Variants in TACR3 observed in about 807,000 individuals in gnomAD.
The protein encoded by TACR3 is neuromedin-K receptor.
A neutral mutation model predicts 35.0 loss-of-function variants in TACR3; 34 were observed. The ratio of observed to expected loss-of-function variants is 0.97; its 90% CI spans 0.74 to 1.30. The LOEUF (loss-of-function observed/expected upper bound fraction) is 1.30. Among genes scored for constraint, TACR3 ranks in the 50% most tolerant of loss-of-function variants. The pLI is 0.00. For synonymous variants in TACR3, 233 were observed against 221.1 expected, an observed-to-expected ratio of 1.05 and a Z score of -0.48; for missense variants, 558 against 591.7, an observed-to-expected ratio of 0.94 and a Z score of 0.59.
chr4:103,719,541 C>T lies in TACR3; in HGVS notation c.135G>A (p.Leu45=). 1.2e-6 allele frequency: 2 copies of T among 1,607,794 alleles called. No homozygotes were observed. Among genetic ancestry groups the T allele is most frequent in the South Asian group, 1.1e-5 (1 of 90,624 alleles). The part of the protein sequence containing the change: ...GAVETGWLQL[L]DQAGNLSSSP... ...AGGAGGAGAGGTTGCCAGCTTGGTC[C>T]AGCAGTTGCAGCCACCCAGTCTCAA... The change falls in exon 1 of 5, where the codon CTG becomes CTA. Residue 45 remains leucine (L), a synonymous_variant. Coordinates refer to ENST00000304883, the MANE Select transcript of TACR3 (RefSeq NM_001059.3).
At chr4:103,690,896 G>A (rs1020434376) in intron 1 of TACR3, among the ~76,000 whole-genome samples, 1 of 152,046 alleles carries the variant, frequency 6.6e-6, no homozygotes, top group African/African-American at 2.4e-5. Context: ...ATTTTATAAT[G>A]TCAACTAAAA....
At chr4:103,593,890 A>G (rs771297616) in intron 3 of TACR3, among the ~76,000 whole-genome samples, 3 of 152,166 alleles carry the variant, frequency 2.0e-5, no homozygotes, top group Admixed American at 6.6e-5. Context: ...ACAAAAGAGC[A>G]AGGATTTTCT....
chr4:103,686,333 A>G (rs934321670), intron 1 of TACR3, among the ~76,000 whole-genome samples: 1 of 152,188 alleles, frequency 6.6e-6, no homozygotes, highest in African/African-American at 2.4e-5. Flanking sequence ...AAGTTATTTA[A>G]TCACAACCGC....
In TACR3 at chr4:103,657,961, C is replaced by CAT. The variant is rs757596635; in HGVS notation, c.737+253_737+254insAT. Among the ~76,000 whole-genome samples, 5,714 of 152,264 alleles carry CAT rather than the reference C, an allele frequency of 0.038. 139 individuals are homozygous for CAT. Among genetic ancestry groups the CAT allele is most frequent in the Non-Finnish European group, 0.055 (3,728 of 68,020 alleles). ...TGCACATTGCTTTTATCTTTTATCA[C>CAT]TTCCTTCAGGAAACTCTCCAGTGCC... On this transcript the variant is annotated intron_variant, in intron 2 of 4. Coordinates refer to ENST00000304883, the MANE Select transcript of TACR3 (RefSeq NM_001059.3).
intron 1 of TACR3, among the ~76,000 whole-genome samples, chr4:103,675,093 T>C (rs757482873): frequency 6.6e-6 from 1 of 151,984 alleles, no homozygotes; most frequent in Non-Finnish European, 1.5e-5. Context: ...GACATAAGAG[T>C]TATTCTAAAA....
At chr4:103,660,091 A>G (rs955846120) in intron 1 of TACR3, among the ~76,000 whole-genome samples, 2 of 152,124 alleles carry the variant, frequency 1.3e-5, no homozygotes, top group African/African-American at 4.8e-5. Flanking sequence ...AGGATATTTT[A>G]TCAATATGTT....
chr4:103,597,867 G>A (rs953678798), intron 3 of TACR3, among the ~76,000 whole-genome samples: 4 of 152,158 alleles, frequency 2.6e-5, no homozygotes, highest in Non-Finnish European at 4.4e-5. Flanking sequence ...GGACATTTAA[G>A]TTGGTTCCAA....
At chr4:103,715,018 C>T (rs570443458) in intron 1 of TACR3, among the ~76,000 whole-genome samples, 9 of 152,274 alleles carry the variant, frequency 5.9e-5, no homozygotes, top group Non-Finnish European at 1.0e-4. Flanking sequence ...TTTTTATCTA[C>T]TTGGCCATTA....
At chr4:103,671,081 T>G (rs1332684628) in intron 1 of TACR3, among the ~76,000 whole-genome samples, 2 of 152,044 alleles carry the variant, frequency 1.3e-5, no homozygotes, top group Non-Finnish European at 2.9e-5. Context: ...CTATTTTTTG[T>G]CTTTCATTCT....
chr4:103,680,976 TTC>T (rs1215084680), intron 1 of TACR3, among the ~76,000 whole-genome samples: 1 of 151,902 alleles, frequency 6.6e-6, no homozygotes. Context: ...TCTCTAAGCT[TTC>T]TCTTTCTTCC....
At chr4:103,715,215 C>A (rs914356119) in intron 1 of TACR3, among the ~76,000 whole-genome samples, 1 of 152,128 alleles carries the variant, frequency 6.6e-6, no homozygotes, top group Non-Finnish European at 1.5e-5. Flanking sequence ...GAATTGTAAT[C>A]CCCAATGTTG....
chr4:103,628,902 C>A (rs561440415), intron 3 of TACR3, among the ~76,000 whole-genome samples: 3 of 149,856 alleles, frequency 2.0e-5, no homozygotes, highest in African/African-American at 7.4e-5. Context: ...AAAATACTGA[C>A]AAACTGAATC....
At chr4:103,702,844 T>A (rs948779406) in intron 1 of TACR3, among the ~76,000 whole-genome samples, 1 of 133,740 alleles carries the variant, frequency 7.5e-6, no homozygotes, top group South Asian at 2.3e-4. Flanking sequence ...AGGTGGGAAT[T>A]GAACAATGAG....
chr4:103,598,001 A>G (rs1020004007), intron 3 of TACR3, among the ~76,000 whole-genome samples: 29 of 152,268 alleles, frequency 1.9e-4, no homozygotes, highest in African/African-American at 7.0e-4. Context: ...TGGTATTTCT[A>G]GTTCTAGATC....
chr4:103,719,557 C>T lies in TACR3; in HGVS notation c.119G>A (p.Gly40Glu). 2 of 1,608,362 alleles carry T rather than the reference C, an allele frequency of 1.2e-6. No individual in the cohort carries two copies. Among genetic ancestry groups the T allele is most frequent in the East Asian group, 4.5e-5 (2 of 44,758 alleles). The change falls in exon 1 of 5, where the codon GGG becomes GAG. Residue 40 changes from glycine (G) to glutamate (E), a missense_variant. Gly to Glu is a moderately conservative substitution (Grantham distance 98). Coordinates refer to ENST00000304883, the MANE Select transcript of TACR3 (RefSeq NM_001059.3). ...AGCTTGGTCCAGCAGTTGCAGCCACCCAGTCTCAACTGCCCCCGTGGCCGC... is the reference window on the plus strand; with the variant it reads ...AGCTTGGTCCAGCAGTTGCAGCCACTCAGTCTCAACTGCCCCCGTGGCCGC... ...AGAATGAVET[G>E]WLQLLDQAGN...
At chr4:103,626,564 G>A (rs763675580) in intron 3 of TACR3, among the ~76,000 whole-genome samples, 23 of 152,154 alleles carry the variant, frequency 1.5e-4, no homozygotes, top group Non-Finnish European at 3.4e-4. Context: ...TTAAGCCTGC[G>A]TGTAGTCCTT....
At chr4:103,692,249 A>C in intron 1 of TACR3, among the ~76,000 whole-genome samples, 1 of 152,210 alleles carries the variant, frequency 6.6e-6, no homozygotes, top group East Asian at 1.9e-4. Context: ...TGTAAACACT[A>C]ATCAGAAGAA....
At chr4:103,715,645 A>C (rs2110233865) in intron 1 of TACR3, among the ~76,000 whole-genome samples, 1 of 152,300 alleles carries the variant, frequency 6.6e-6, no homozygotes, top group South Asian at 2.1e-4. Context: ...ACTCAGATCA[A>C]TACTGGATCA....
intron 1 of TACR3, among the ~76,000 whole-genome samples, chr4:103,684,753 A>G (rs954081297): frequency 7.2e-5 from 11 of 152,074 alleles, no homozygotes; most frequent in African/African-American, 2.4e-4. Flanking sequence ...CTGTAATCCC[A>G]GCACTTTGGG....
Sources: allele counts gnomAD v4.1 joint callset (sites outside exome capture counted in the v4.1 genomes callset), GRCh38; gene constraint gnomAD v4.1.1; transcripts MANE v1.5; gene names NCBI Gene and HGNC (gene_info 2026-07-23, HGNC 2026-07-21).